The following SHISA3 variants were observed in gnomAD, a reference collection of about 807,000 sequenced individuals.
SHISA3 encodes the protein protein shisa-3 homolog.
In SHISA3, 15 loss-of-function variants were observed where a neutral mutation model predicts 19.2. The ratio of observed to expected loss-of-function variants is 0.78; its 90% CI spans 0.52 to 1.20. The LOEUF is 1.20. SHISA3 is among the 50% of genes most tolerant of loss of function. The pLI is 0.00. For synonymous variants in SHISA3, 145 were observed against 135.2 expected (o/e 1.07, Z -0.50); for missense variants, 327 against 315.7 (o/e 1.04, Z -0.27).
Position 42,398,009 on chromosome 4 carries a change from G to A in SHISA3, c.-48G>A. On this transcript the variant is annotated 5_prime_UTR_variant, in exon 1 of 2. Coordinates refer to ENST00000319234, the MANE Select transcript of SHISA3 (RefSeq NM_001080505.3). Reference sequence around the variant, plus strand: ...GCCCTGAGCCCGGGCTCAGCCCTTCGCTTTCCAGCTGCGTCCTGCTCCCGG... The same window carrying A: ...GCCCTGAGCCCGGGCTCAGCCCTTCACTTTCCAGCTGCGTCCTGCTCCCGG... The A allele has an allele frequency of 6.8e-7, 1 of 1,469,992 alleles. No individual in the cohort carries two copies. The highest frequency in any genetic ancestry group is 9.0e-7 in the Non-Finnish European group (1 of 1,113,010). 91.1% of individuals were successfully genotyped at this position (1,469,992 alleles called of 1,614,324 possible).
At position 42,402,026 on chromosome 4, in the gene SHISA3, T is replaced by C. The variant is rs1711938757; in HGVS notation, c.*575T>C. 1 of 152,242 alleles carries C rather than the reference T, an allele frequency of 6.6e-6. No individual in the cohort carries two copies. Among genetic ancestry groups the C allele is most frequent in the African/African-American group, 2.4e-5 (1 of 41,460 alleles). The allele number at this position is 152,242 out of a possible 1,614,324, so 9.4% of individuals were successfully genotyped here. ...ATAAATAACTAAATTTTGTTTACAA[T>C]ATGAGTTTTTCCAGAATACAAGGTT... On this transcript the variant is annotated 3_prime_UTR_variant, in exon 2 of 2. Coordinates refer to ENST00000319234, the MANE Select transcript of SHISA3 (RefSeq NM_001080505.3).
chr4:42,400,841 A>G (rs1215551554), intron 1 of SHISA3, among the ~76,000 whole-genome samples, 171 bp from the exon 2 acceptor site: 1 of 151,744 alleles, frequency 6.6e-6, no homozygotes, highest in African/African-American at 2.4e-5. Flanking sequence ...TTCCATCATC[A>G]CGGTTTGCAT....
rs142050054 is a variant in SHISA3 at position 42,401,474 on chromosome 4, A to C, written c.*23A>C. On this transcript the variant is annotated 3_prime_UTR_variant, in exon 2 of 2. Coordinates refer to ENST00000319234, the MANE Select transcript of SHISA3 (RefSeq NM_001080505.3). ...TGACACGCCCAGGCCATGAATCCAC[A>C]ACTCAGTCAGATGGCAGACAGGTGG... 6.5e-7 allele frequency: 1 copy of C among 1,537,310 alleles called. No homozygotes were observed. Among genetic ancestry groups the C allele is most frequent in the East Asian group, 2.3e-5 (1 of 44,314 alleles).
intron 1 of SHISA3, among the ~76,000 whole-genome samples, chr4:42,400,777 T>G (rs932876860): frequency 1.3e-5 from 2 of 152,148 alleles, no homozygotes; most frequent in African/African-American, 4.8e-5. Context: ...AGTTAATTGC[T>G]AACAGAGGCT....
chr4:42,401,015 CT>C lies in SHISA3; in HGVS notation c.282del (p.Val95SerfsTer21), dbSNP rs1711895821. ...ELEHPGITAQPVYVPFLIVGS... is the reference protein window; with the variant it reads ...ELEHPGITAQXVYVPFLIVGS... Reference sequence around the variant, plus strand: ...TATGTCTGTTTTTGCCTTTTAGAGCCTGTCTACGTCCCCTTTCTCATCGTCG... The same window carrying C: ...TATGTCTGTTTTTGCCTTTTAGAGCCGTCTACGTCCCCTTTCTCATCGTCG... On this transcript the variant is annotated frameshift_variant, in exon 2 of 2. Coordinates refer to ENST00000319234, the MANE Select transcript of SHISA3 (RefSeq NM_001080505.3). LOFTEE classifies it high-confidence loss of function. 1.4e-5 allele frequency: 22 copies of C among 1,613,182 alleles called. No individual in the cohort carries two copies. Among genetic ancestry groups the C allele is most frequent in the Non-Finnish European group, 1.6e-5 (19 of 1,179,270 alleles).
At position 42,401,729 on chromosome 4, in the gene SHISA3, T is replaced by G; in HGVS notation, c.*278T>G. The G allele has an allele frequency of 2.7e-6, 1 of 364,388 alleles. No homozygotes were observed. The allele number at this position is 364,388 out of a possible 1,614,324, so 22.6% of individuals were successfully genotyped here. ...AATATGCAGCAGTTTGACTTTAAAG[T>G]TGCAAACTGGCTAAAAACGTTTTAC... On this transcript the variant is annotated 3_prime_UTR_variant, in exon 2 of 2. Coordinates refer to ENST00000319234, the MANE Select transcript of SHISA3 (RefSeq NM_001080505.3).
In SHISA3 at chr4:42,401,296, C is replaced by G. The variant is rs769936152; in HGVS notation, c.562C>G (p.Leu188Val). The G allele has an allele frequency of 6.2e-7, 1 of 1,614,130 alleles. No homozygotes were observed. The highest frequency in any genetic ancestry group is 8.5e-7 in the Non-Finnish European group (1 of 1,180,004). The part of the protein sequence containing the change: ...FSFARAEPGC[L>V]VPSPPPPYTT... ...CTTTGCCAGGGCTGAGCCGGGCTGC[C>G]TGGTGCCCTCACCGCCCCCGCCATA... Residue 188 changes from leucine (L) to valine (V), a missense_variant, in exon 2 of 2, where the codon CTG becomes GTG. By Grantham distance (32) the Leu-to-Val change is conservative. Transcript: ENST00000319234.
chr4:42,397,502 C>A lies in SHISA3; in HGVS notation c.-555C>A, dbSNP rs1265548888. On this transcript the variant is annotated 5_prime_UTR_variant, in exon 1 of 2. Coordinates refer to ENST00000319234, the MANE Select transcript of SHISA3 (RefSeq NM_001080505.3). ...GCAGAGCTGTCAGCAACCCCGCGGC[C>A]GTTTGTACTTGGCCGCGGCGGAGCT... Among the ~76,000 whole-genome samples the A allele has an allele frequency of 2.0e-5, 3 of 152,158 alleles. No homozygotes were observed. The East Asian group carries it at 5.8e-4, about 29-fold the overall frequency.
intron 1 of SHISA3, 74 bp downstream of exon 1, chr4:42,398,407 C>T: frequency 6.9e-7 from 1 of 1,442,090 alleles, no homozygotes; most frequent in East Asian, 2.5e-5. Flanking sequence ...CGGGAGGATG[C>T]ACAGACCCAG....
At position 42,398,153 on chromosome 4, in the gene SHISA3, G is replaced by C; in HGVS notation, c.97G>C (p.Asp33His). 6.2e-7 allele frequency: 1 copy of C among 1,606,338 alleles called. No individual in the cohort carries two copies. The highest frequency in any genetic ancestry group is 2.3e-5 in the East Asian group (1 of 44,442). Residue 33 changes from aspartate to histidine, a missense_variant, in exon 1 of 2, where the codon GAC (aspartate) becomes CAC (histidine). Coordinates refer to ENST00000319234, the MANE Select transcript of SHISA3 (RefSeq NM_001080505.3). ...CGGAGAGTACTGCCACGGCTGGGTGGACGTGCAGGGCAACTACCACGAGGG... is the reference window on the plus strand; with the variant it reads ...CGGAGAGTACTGCCACGGCTGGGTGCACGTGCAGGGCAACTACCACGAGGG... ...QSGEYCHGWV[D>H]VQGNYHEGFQ...
Position 42,401,860 on chromosome 4 carries a change from T to C in SHISA3, c.*409T>C, listed in dbSNP as rs1263527948. ...ATATTCATAAATAAGCAAAGAAAAA[T>C]ACCTAATTGTAATTATCAAAGGTTC... On this transcript the variant is annotated 3_prime_UTR_variant, in exon 2 of 2. Transcript: ENST00000319234. The C allele has an allele frequency of 6.3e-6, 1 of 159,572 alleles. No homozygotes were observed. Among genetic ancestry groups the C allele is most frequent in the African/African-American group, 2.4e-5 (1 of 41,734 alleles). The allele number at this position is 159,572 out of a possible 1,614,324, so 9.9% of individuals were successfully genotyped here.
At chr4:42,398,898 A>G (rs912383369) in intron 1 of SHISA3, among the ~76,000 whole-genome samples, 1 of 152,032 alleles carries the variant, frequency 6.6e-6, no homozygotes, top group African/African-American at 2.4e-5. Context: ...AATTCTCTGC[A>G]TCGAATTACC....
Position 42,398,285 on chromosome 4 carries a change from G to T in SHISA3, c.229G>T (p.Gly77Cys). ...AAADARLEQGGCTNDRRELEH... is the reference protein window; with the variant it reads ...AAADARLEQGCCTNDRRELEH... ...GGCCGACGCCAGGCTGGAGCAGGGC[G>T]GCTGCACCAACGACCGCCGCGAACT... The change falls in exon 1 of 2, where the codon GGC (glycine) becomes TGC (cysteine). Residue 77 changes from glycine (G) to cysteine (C), a missense_variant. Physicochemically the swap from Gly to Cys is radical, Grantham distance 159. Coordinates refer to ENST00000319234, the MANE Select transcript of SHISA3 (RefSeq NM_001080505.3). 6.4e-7 allele frequency: 1 copy of T among 1,564,976 alleles called. No homozygotes were observed.
At position 42,401,955 on chromosome 4, in the gene SHISA3, C is replaced by T. The variant is rs1240718344; in HGVS notation, c.*504C>T. On this transcript the variant is annotated 3_prime_UTR_variant, in exon 2 of 2. Transcript: ENST00000319234. ...AATCTATTTATGATTTCGGGAGTAACCTAACCATGAATAATATTAGCATAA... is the reference window on the plus strand; with the variant it reads ...AATCTATTTATGATTTCGGGAGTAATCTAACCATGAATAATATTAGCATAA... The T allele has an allele frequency of 6.6e-6, 1 of 152,590 alleles. No homozygotes were observed. The highest frequency in any genetic ancestry group is 2.4e-5 in the African/African-American group (1 of 41,390). 9.5% of individuals were successfully genotyped at this position (152,590 alleles called of 1,614,324 possible).
At position 42,398,319 on chromosome 4, in the gene SHISA3, C is replaced by A; in HGVS notation, c.263C>A (p.Pro88Gln). ...AACGACCGCCGCGAACTGGAGCACC[C>A]AGGCATCACTGCGCGTAAGTGCGGG... ...CTNDRRELEH[P>Q]GITAQPVYVP... The change falls in exon 1 of 2, where the codon CCA becomes CAA. Residue 88 changes from proline (P) to glutamine (Q), a missense_variant. Transcript: ENST00000319234. 6.4e-7 allele frequency: 1 copy of A among 1,557,138 alleles called. No individual in the cohort carries two copies. The highest frequency in any genetic ancestry group is 2.4e-5 in the East Asian group (1 of 41,688).
chr4:42,402,385 A>G lies in SHISA3; in HGVS notation c.*934A>G, dbSNP rs2153163357. 1 of 152,292 alleles carries G rather than the reference A, an allele frequency of 6.6e-6. No individual in the cohort carries two copies. The highest frequency in any genetic ancestry group is 1.9e-4 in the East Asian group (1 of 5,188). The allele number at this position is 152,292 out of a possible 1,614,324, so 9.4% of individuals were successfully genotyped here. ...TTGGTATAATCATCTAATATTATAT[A>G]TATCTCCAGTGCCCCTGAATTTTAT... is the stretch of plus-strand genomic sequence containing the variant. On this transcript the variant is annotated 3_prime_UTR_variant, in exon 2 of 2. Transcript: ENST00000319234.
At position 42,398,249 on chromosome 4, in the gene SHISA3, T is replaced by A. The variant is rs1458244931; in HGVS notation, c.193T>A (p.Cys65Ser). ...CTGCGGCTCCTGCGCGCTCCGCTAC[T>A]GTTGCGCCGCGGCCGACGCCAGGCT... ...ICCGSCALRY[C>S]CAAADARLEQ... The change falls in exon 1 of 2, where the codon TGT (cysteine) becomes AGT (serine). Residue 65 changes from cysteine to serine, a missense_variant. Cys to Ser is a moderately radical substitution (Grantham distance 112). Coordinates refer to ENST00000319234, the MANE Select transcript of SHISA3 (RefSeq NM_001080505.3). 6.3e-7 allele frequency: 1 copy of A among 1,576,228 alleles called. No individual in the cohort carries two copies. The highest frequency in any genetic ancestry group is 1.4e-5 in the African/African-American group (1 of 73,930).
intron 1 of SHISA3, 134 bp downstream of exon 1, chr4:42,398,467 G>C: frequency 1.0e-6 from 1 of 995,470 alleles, no homozygotes; most frequent in Non-Finnish European, 1.4e-6. Flanking sequence ...ACGCGGCCGG[G>C]TGGGGGAATC....
rs1461816254 is a variant in SHISA3, at chr4:42,398,008, C to T, written c.-49C>T. On this transcript the variant is annotated 5_prime_UTR_variant, in exon 1 of 2. Coordinates refer to ENST00000319234, the MANE Select transcript of SHISA3 (RefSeq NM_001080505.3). Reference sequence around the variant, plus strand: ...CGCCCTGAGCCCGGGCTCAGCCCTTCGCTTTCCAGCTGCGTCCTGCTCCCG... The same window carrying T: ...CGCCCTGAGCCCGGGCTCAGCCCTTTGCTTTCCAGCTGCGTCCTGCTCCCG... 1.4e-5 allele frequency: 21 copies of T among 1,467,036 alleles called. 1 individual carries two copies. The South Asian group carries it at 2.5e-4, about 18-fold the overall frequency. The allele number at this position is 1,467,036 out of a possible 1,614,324, so 90.9% of individuals were successfully genotyped here. A position where few individuals can be genotyped will look rare whatever the true frequency, so the allele number is the denominator to read the frequency against.
Sources: gnomAD v4.1 joint callset for allele counts (sites outside exome capture counted in the v4.1 genomes callset) on GRCh38, gnomAD v4.1.1 for gene constraint, MANE v1.5 for transcripts, NCBI Gene and HGNC (gene_info 2026-07-23, HGNC 2026-07-21) for gene names.